The following OCA2 variants were observed in gnomAD, a reference collection of about 807,000 sequenced individuals.
OCA2 encodes the protein P protein.
Under a neutral mutation model 100.2 loss-of-function variants are expected in OCA2, and 77 were observed. The observed-to-expected ratio is 0.77, with a 90% CI of 0.64 to 0.93. OCA2 has a LOEUF of 0.93. Ranked by LOEUF, OCA2 falls within the 40% of genes least tolerant of loss-of-function variation. The pLI, the probability that OCA2 is intolerant of heterozygous loss-of-function variation, is 0.00. For missense variants in OCA2, 1,062 were observed against 1,089.1 expected (o/e 0.98, Z 0.35); for synonymous variants, 432 against 439.2 (o/e 0.98, Z 0.21).
At chr15:27,832,658 CTCCCTGGTGAG>C (rs940518154) in intron 23 of OCA2, among the ~76,000 whole-genome samples, 5 of 152,286 alleles carry the variant, frequency 3.3e-5, no homozygotes, top group African/African-American at 1.2e-4. Flanking sequence ...TTTGCTGCTC[CTCCCTGGTGAG>C]TCTCCAAGTT....
At chr15:28,017,170 G>A (rs1474182421) in intron 7 of OCA2, among the ~76,000 whole-genome samples, 1 of 152,170 alleles carries the variant, frequency 6.6e-6, no homozygotes, top group African/African-American at 2.4e-5. Flanking sequence ...AGAAGCACAC[G>A]CATGAGAGAA....
intron 23 of OCA2, among the ~76,000 whole-genome samples, chr15:27,821,840 C>T (rs2034520665): frequency 6.6e-6 from 1 of 152,134 alleles, no homozygotes; most frequent in South Asian, 2.1e-4. Context: ...AATACACATG[C>T]TCGCATATGC....
chr15:27,982,813 T>C (rs2041211598), intron 14 of OCA2, among the ~76,000 whole-genome samples: 1 of 152,240 alleles, frequency 6.6e-6, no homozygotes, highest in African/African-American at 2.4e-5. Flanking sequence ...ATTTTCACCT[T>C]GAAGATATGT....
intron 14 of OCA2, among the ~76,000 whole-genome samples, chr15:27,974,411 ATGAGTGCATCTG>A (rs1012992341): frequency 6.6e-6 from 1 of 152,186 alleles, no homozygotes; most frequent in Non-Finnish European, 1.5e-5. Flanking sequence ...CCCTGAAACT[ATGAGTGCATCTG>A]TGTCTCCATA....
At chr15:28,022,718 T>C (rs916233123) in intron 5 of OCA2, 145 bp from the exon 6 acceptor site, 8 of 696,010 alleles carry the variant, frequency 1.1e-5, no homozygotes, top group South Asian at 7.7e-5. Flanking sequence ...AATAGCTTTG[T>C]CTTAAATATT....
intron 19 of OCA2, among the ~76,000 whole-genome samples, chr15:27,916,883 C>A (rs1595640655): frequency 6.6e-6 from 1 of 152,154 alleles, no homozygotes; most frequent in Non-Finnish European, 1.5e-5. Flanking sequence ...TGACCCAAAA[C>A]GTACGCTGGA....
Position 27,986,595 on chromosome 15 carries a change from CA to C in OCA2, c.1230del (p.Cys410TrpfsTer3). On this transcript the variant is annotated frameshift_variant, in exon 12 of 24. Transcript: ENST00000354638. LOFTEE classifies it high-confidence loss of function. ...TGCAACATCATACCTACCTTTACAG[CA>C]CAATAATCGAAAAATCCCGTTTCTG... ...IFSETGFFDY[C>X]AVKAYRLSRG... is the part of the protein sequence containing the mutation. The C allele has an allele frequency of 6.3e-7, 1 of 1,582,786 alleles. No homozygotes were observed. The highest frequency in any genetic ancestry group is 8.7e-7 in the Non-Finnish European group (1 of 1,151,126).
At chr15:27,972,957 C>T (rs1279271189) in intron 14 of OCA2, among the ~76,000 whole-genome samples, 1 of 151,714 alleles carries the variant, frequency 6.6e-6, no homozygotes, top group African/African-American at 2.4e-5. Flanking sequence ...CCTCTGCCTC[C>T]CTGGTTCAAG....
the OCA2 span, among the ~76,000 whole-genome samples, chr15:27,726,295 C>A: frequency 7.5e-6 from 1 of 132,880 alleles, no homozygotes; most frequent in Non-Finnish European, 1.6e-5. Flanking sequence ...GAGACTCCAG[C>A]TCAAAAAATA....
At chr15:27,949,748 T>A (rs1418187990) in intron 18 of OCA2, among the ~76,000 whole-genome samples, 1 of 152,222 alleles carries the variant, frequency 6.6e-6, no homozygotes, top group East Asian at 1.9e-4. Context: ...ACATTGCTAC[T>A]GGCTGAAGAC....
chr15:27,876,230 G>T (rs1425741786), intron 19 of OCA2, among the ~76,000 whole-genome samples: 2 of 151,918 alleles, frequency 1.3e-5, no homozygotes, highest in Non-Finnish European at 2.9e-5. Context: ...TGATCATATG[G>T]TTTTTCTCCT....
chr15:27,957,546 G>C lies in OCA2; in HGVS notation c.1784+42C>G. On this transcript the variant is annotated intron_variant, in intron 16 of 23. Transcript: ENST00000354638. This position sits in a 1 kb window ranked among gnomAD's most constrained non-coding sequence, Gnocchi z 4.3. Reference sequence around the variant, plus strand: ...ATTTTGTAGGCCCATGGAATGTTCTGCTGCACACCAAGCACAGTCTGAGCA... The same window carrying C: ...ATTTTGTAGGCCCATGGAATGTTCTCCTGCACACCAAGCACAGTCTGAGCA... The C allele has an allele frequency of 6.2e-7, 1 of 1,609,406 alleles. No individual in the cohort carries two copies. Among genetic ancestry groups the C allele is most frequent in the Non-Finnish European group, 8.5e-7 (1 of 1,178,416 alleles).
intron 18 of OCA2, among the ~76,000 whole-genome samples, chr15:27,943,746 G>T (rs190774802): frequency 4.7e-4 from 70 of 150,484 alleles, no homozygotes; most frequent in African/African-American, 1.6e-3. Flanking sequence ...TATTGATTCT[G>T]GGACTTTAGA....
the OCA2 span, among the ~76,000 whole-genome samples, chr15:27,742,008 T>C: frequency 6.6e-6 from 1 of 152,226 alleles, no homozygotes; most frequent in Non-Finnish European, 1.5e-5. Flanking sequence ...CCTCTTGACA[T>C]TTTCTTTTGC....
intron 1 of OCA2, among the ~76,000 whole-genome samples, chr15:28,088,807 G>C (rs993026830): frequency 6.6e-6 from 1 of 152,112 alleles, no homozygotes; most frequent in African/African-American, 2.4e-5. Flanking sequence ...ACAGGACCAG[G>C]GCAAAATTAA....
At position 27,871,850 on chromosome 15, in the gene OCA2, G is replaced by C. The variant is rs1406271211; in HGVS notation, c.2139+13C>G. On this transcript the variant is annotated intron_variant, in intron 20 of 23. Coordinates refer to ENST00000354638, the MANE Select transcript of OCA2 (RefSeq NM_000275.3). ...AGTGGCTGGAGTGCCTTCTATTATA[G>C]CATTTATTTTACCTTTATTAGCAAA... The C allele has an allele frequency of 1.3e-6, 2 of 1,550,064 alleles. No individual in the cohort carries two copies. Among genetic ancestry groups the C allele is most frequent in the African/African-American group, 2.7e-5 (2 of 73,294 alleles).
chr15:27,988,910 C>A (rs1012717608), intron 11 of OCA2, among the ~76,000 whole-genome samples: 21 of 152,160 alleles, frequency 1.4e-4, no homozygotes, highest in Non-Finnish European at 1.5e-4. Context: ...GTCAGCCAGC[C>A]TTGGGAGGGA....
chr15:28,021,171 G>T (rs1442087733), intron 6 of OCA2, among the ~76,000 whole-genome samples: 2 of 152,130 alleles, frequency 1.3e-5, no homozygotes, highest in African/African-American at 4.8e-5. Flanking sequence ...GCATCGGAGG[G>T]TCCCACCTCT....
intron 21 of OCA2, among the ~76,000 whole-genome samples, chr15:27,862,513 C>T (rs1223430184): frequency 1.4e-5 from 2 of 144,190 alleles, no homozygotes; most frequent in Non-Finnish European, 3.0e-5. Flanking sequence ...TTCACTCTTT[C>T]GCCCAGACTG....
Sources: allele counts gnomAD v4.1 joint callset (sites outside exome capture counted in the v4.1 genomes callset), GRCh38; gene constraint gnomAD v4.1.1; non-coding constraint Gnocchi (gnomAD v3.1); transcripts MANE v1.5; gene names NCBI Gene and HGNC (gene_info 2026-07-23, HGNC 2026-07-21).